Variants in CXADR observed in about 807,000 individuals in gnomAD.
CXADR encodes the protein coxsackievirus and adenovirus receptor.
A neutral mutation model predicts 40.3 loss-of-function variants in CXADR; 20 were observed. That is an observed-to-expected ratio of 0.50 (90% CI 0.35 to 0.72). CXADR has a LOEUF of 0.72. CXADR is among the 30% of genes least tolerant of loss of function. CXADR has a pLI of 0.01. For synonymous variants in CXADR, 150 were observed against 161.3 expected (o/e 0.93, Z 0.53); for missense variants, 332 against 449.1 (o/e 0.74, Z 2.36).
At chr21:17,530,593 C>A (rs2060661082) in intron 1 of CXADR, among the ~76,000 whole-genome samples, 3 of 151,940 alleles carry the variant, frequency 2.0e-5, no homozygotes, top group African/African-American at 7.2e-5. Context: ...ATGGGCCTAT[C>A]ACTTGAGGTT....
intron 3 of CXADR, 148 bp from the exon 4 acceptor site, chr21:17,558,828 T>C (rs1006316020): frequency 1.4e-6 from 1 of 736,326 alleles, no homozygotes; most frequent in Non-Finnish European, 2.2e-6. Flanking sequence ...AATAAACTGA[T>C]GTTGATCACT....
At chr21:17,571,174 A>G (rs908656059), downstream of CXADR, among the ~76,000 whole-genome samples, 6 of 152,366 alleles carry the variant, frequency 3.9e-5, no homozygotes, top group Admixed American at 2.0e-4. Context: ...TGAAGAGCAC[A>G]GGGCTTAGAG....
chr21:17,553,725 A>C (rs1420349859), intron 3 of CXADR, among the ~76,000 whole-genome samples: 1 of 151,520 alleles, frequency 6.6e-6, no homozygotes, highest in Non-Finnish European at 1.5e-5. Flanking sequence ...GGGTTCAAGC[A>C]ATACTCTTGT....
chr21:17,584,557 C>T (rs2061381671), intron 7 of CXADR, among the ~76,000 whole-genome samples: 1 of 152,224 alleles, frequency 6.6e-6, no homozygotes, highest in Non-Finnish European at 1.5e-5. Context: ...CTAGGCCGGG[C>T]GTGATGGCTC....
At chr21:17,520,895 T>C (rs1193382470) in intron 1 of CXADR, among the ~76,000 whole-genome samples, 1 of 152,140 alleles carries the variant, frequency 6.6e-6, no homozygotes, top group Non-Finnish European at 1.5e-5. Context: ...GAGATGACAA[T>C]GAGCTTAAGT....
the CXADR span, chr21:17,609,001 T>A: frequency 6.2e-7 from 1 of 1,613,670 alleles, no homozygotes; most frequent in Non-Finnish European, 8.5e-7. Context: ...ATGGTTTTTC[T>A]GGATACCAGT....
At chr21:17,550,033 C>T (rs1311909195) in intron 2 of CXADR, among the ~76,000 whole-genome samples, 3 of 152,010 alleles carry the variant, frequency 2.0e-5, no homozygotes, top group Non-Finnish European at 2.9e-5. Context: ...TGGTATTGAG[C>T]GCAACCTAGA....
chr21:17,565,841 T>G lies in CXADR; in HGVS notation c.*149T>G. Reference sequence around the variant, plus strand: ...CTGTACGGAATATATTTTTAAAAATTTTTGTTTGGTTATATCGAAATAGTT... The same window carrying G: ...CTGTACGGAATATATTTTTAAAAATGTTTGTTTGGTTATATCGAAATAGTT... On this transcript the variant is annotated 3_prime_UTR_variant, in exon 7 of 7. Transcript: ENST00000284878. 7.6e-7 allele frequency: 1 copy of G among 1,319,994 alleles called. No homozygotes were observed. Among genetic ancestry groups the G allele is most frequent in the South Asian group, 2.7e-5 (1 of 37,044 alleles). The allele number at this position is 1,319,994 out of a possible 1,614,324, so 81.8% of individuals were successfully genotyped here.
chr21:17,576,814 G>A (rs1231707480), intron 7 of CXADR: 2 of 152,098 alleles, frequency 1.3e-5, no homozygotes, highest in Non-Finnish European at 2.9e-5. Context: ...TCCAAAGATA[G>A]TGAGTTATCT....
chr21:17,556,008 A>G (rs1003093610), intron 3 of CXADR, among the ~76,000 whole-genome samples: 1 of 152,224 alleles, frequency 6.6e-6, no homozygotes, highest in East Asian at 1.9e-4. Context: ...GAATACGTGT[A>G]TGGAACAGAG....
intron 2 of CXADR, among the ~76,000 whole-genome samples, chr21:17,548,805 A>C (rs2060931151): frequency 6.6e-6 from 1 of 152,224 alleles, no homozygotes; most frequent in Non-Finnish European, 1.5e-5. Context: ...TGCCGTCTAC[A>C]GGAGTTGTAA....
intron 7 of CXADR, among the ~76,000 whole-genome samples, chr21:17,579,954 G>C (rs929723759): frequency 1.3e-5 from 2 of 151,680 alleles, no homozygotes; most frequent in African/African-American, 4.8e-5. Context: ...CTAACCTCAG[G>C]AAGACATGAA....
At chr21:17,623,017 G>T in the CXADR span, among the ~76,000 whole-genome samples, 4 of 151,918 alleles carry the variant, frequency 2.6e-5, no homozygotes, top group Admixed American at 6.6e-5. Flanking sequence ...TTGAGACAGG[G>T]TCTTGCTGTG....
the CXADR span, among the ~76,000 whole-genome samples, chr21:17,625,023 C>T: frequency 6.6e-6 from 1 of 152,050 alleles, no homozygotes; most frequent in Non-Finnish European, 1.5e-5. Flanking sequence ...TATTATATGT[C>T]TCCCTCTACT....
intron 2 of CXADR, among the ~76,000 whole-genome samples, chr21:17,550,241 C>T (rs1210825348): frequency 6.6e-6 from 1 of 151,884 alleles, no homozygotes; most frequent in Non-Finnish European, 1.5e-5. Flanking sequence ...GTAGTCCCAG[C>T]TCCTCGGGAG....
chr21:17,553,892 C>T lies in CXADR; in HGVS notation c.415+1939C>T, dbSNP rs185347187. Among the ~76,000 whole-genome samples, 540 of 152,272 alleles carry T rather than the reference C, an allele frequency of 3.5e-3. 4 individuals are homozygous for T. The highest frequency in any genetic ancestry group is 0.012 in the African/African-American group (519 of 41,554). On this transcript the variant is annotated intron_variant, in intron 3 of 6. Transcript: ENST00000284878. ...TTGGCCTCCCAAAGTGCTGGGATTA[C>T]AGGTGTGAGCCACCGCACCCAGCTA...
chr21:17,597,904 C>T (rs1169125329), downstream of CXADR, among the ~76,000 whole-genome samples: 1 of 152,098 alleles, frequency 6.6e-6, no homozygotes, highest in Non-Finnish European at 1.5e-5. Flanking sequence ...GTATGTTTCA[C>T]ATTTAATCAA....
the CXADR span, among the ~76,000 whole-genome samples, chr21:17,635,512 C>A: frequency 6.6e-6 from 1 of 152,176 alleles, no homozygotes; most frequent in Non-Finnish European, 1.5e-5. Flanking sequence ...ATTTCATTAT[C>A]ACCTGGCCTC....
At chr21:17,612,453 G>C in the CXADR span, 3 of 152,126 alleles carry the variant, frequency 2.0e-5, no homozygotes, top group Non-Finnish European at 1.5e-5. Context: ...CTGAGGCGGC[G>C]TCTTTTTCCT....
Sources: allele counts gnomAD v4.1 joint callset (sites outside exome capture counted in the v4.1 genomes callset), GRCh38; gene constraint gnomAD v4.1.1; transcripts MANE v1.5; gene names NCBI Gene and HGNC (gene_info 2026-07-23, HGNC 2026-07-21).